Variants in MACROD2 observed in about 807,000 individuals in gnomAD.
MACROD2 encodes ADP-ribose glycohydrolase MACROD2.
MACROD2 carries 36 observed loss-of-function variants against 70.4 expected under a neutral mutation model. That is an observed-to-expected ratio of 0.51 (90% CI 0.39 to 0.68). The LOEUF (loss-of-function observed/expected upper bound fraction) is 0.68, where lower values mean the gene tolerates loss of function less well. Ranked by LOEUF, MACROD2 falls within the 30% of genes least tolerant of loss-of-function variation. MACROD2 has a pLI of 0.00. For missense variants in MACROD2, 496 were observed against 538.4 expected, an observed-to-expected ratio of 0.92 and a Z score of 0.78; for synonymous variants, 172 against 178.8, an observed-to-expected ratio of 0.96 and a Z score of 0.30.
At chr20:14,341,639 AAAAAG>A (rs1174662105) in intron 3 of MACROD2, among the ~76,000 whole-genome samples, 8 of 152,216 alleles carry the variant, frequency 5.3e-5, no homozygotes, top group Non-Finnish European at 1.0e-4. Flanking sequence ...ACTCCATCTC[AAAAAG>A]AAAAGAAAAG....
intron 6 of MACROD2, among the ~76,000 whole-genome samples, chr20:15,336,055 A>AT (rs1479606607): frequency 6.6e-6 from 1 of 151,546 alleles, no homozygotes; most frequent in East Asian, 1.9e-4. Flanking sequence ...TTGAAAATAC[A>AT]TTTTCTCAAT....
chr20:14,533,043 G>A (rs2085325080), intron 4 of MACROD2, among the ~76,000 whole-genome samples: 1 of 152,096 alleles, frequency 6.6e-6, no homozygotes, highest in Admixed American at 6.6e-5. Context: ...CTCTTGCTGG[G>A]TGCCATGTAA....
At chr20:15,112,669 A>C (rs989526925) in intron 5 of MACROD2, among the ~76,000 whole-genome samples, 9 of 152,162 alleles carry the variant, frequency 5.9e-5, no homozygotes, top group African/African-American at 1.9e-4. Flanking sequence ...CATTTTATTC[A>C]ATTTTAAGTG....
chr20:15,172,879 A>T (rs556159293), intron 5 of MACROD2, among the ~76,000 whole-genome samples: 1 of 152,338 alleles, frequency 6.6e-6, no homozygotes, highest in South Asian at 2.1e-4. Flanking sequence ...CTTGCTGAAA[A>T]TTTACTATTT....
intron 2 of MACROD2, among the ~76,000 whole-genome samples, chr20:14,012,539 G>A (rs983096064): frequency 2.0e-5 from 3 of 152,144 alleles, no homozygotes; most frequent in African/African-American, 7.2e-5. Context: ...CTGGATTCAT[G>A]TATCTTAAAT....
intron 3 of MACROD2, among the ~76,000 whole-genome samples, chr20:14,270,070 G>A (rs1568530230): frequency 6.6e-6 from 1 of 152,038 alleles, no homozygotes; most frequent in Admixed American, 6.6e-5. Flanking sequence ...CATGAAAAAT[G>A]ACTTGTTTGG....
chr20:15,276,414 AT>A (rs68176437), intron 6 of MACROD2, among the ~76,000 whole-genome samples: 2,281 of 68,488 alleles, frequency 0.033, 157 homozygotes, highest in African/African-American at 0.078. Flanking sequence ...AAATAAAAAA[AT>A]AAAAAAATCT....
intron 5 of MACROD2, among the ~76,000 whole-genome samples, chr20:14,873,641 T>A (rs1444946221): frequency 1.3e-5 from 2 of 152,086 alleles, no homozygotes; most frequent in Admixed American, 6.6e-5. Flanking sequence ...GACAGGCAGA[T>A]CACCTGAGGT....
intron 8 of MACROD2, among the ~76,000 whole-genome samples, chr20:15,810,101 G>T (rs1180750097): frequency 1.3e-5 from 2 of 149,854 alleles, no homozygotes; most frequent in Non-Finnish European, 3.0e-5. Context: ...ACCTATGAGT[G>T]AGAACATGTG....
chr20:14,102,021 T>C (rs1386171503), intron 3 of MACROD2, among the ~76,000 whole-genome samples: 1 of 68,912 alleles, frequency 1.5e-5, no homozygotes, highest in East Asian at 5.3e-4. Context: ...TTTTTTTTTT[T>C]AAGACGGAGT....
intron 12 of MACROD2, among the ~76,000 whole-genome samples, chr20:15,943,773 C>T (rs1005385354): frequency 6.6e-6 from 1 of 151,670 alleles, no homozygotes; most frequent in Non-Finnish European, 1.5e-5. Flanking sequence ...TTATACAATC[C>T]CTTTAAAAGG....
At chr20:14,008,030 A>C (rs924639461) in intron 2 of MACROD2, among the ~76,000 whole-genome samples, 1 of 152,200 alleles carries the variant, frequency 6.6e-6, no homozygotes, top group African/African-American at 2.4e-5. Context: ...GAATGGGCAA[A>C]AGCTGGAAGC....
intron 8 of MACROD2, among the ~76,000 whole-genome samples, chr20:15,733,053 A>G (rs900032101): frequency 6.6e-6 from 1 of 152,152 alleles, no homozygotes; most frequent in African/African-American, 2.4e-5. Flanking sequence ...TTGGCAGAGT[A>G]TGTTTTTCAA....
chr20:14,410,067 G>A (rs892054370), intron 3 of MACROD2, among the ~76,000 whole-genome samples: 6 of 152,114 alleles, frequency 3.9e-5, no homozygotes, highest in African/African-American at 1.4e-4. Flanking sequence ...GTGTTGGGGA[G>A]TTGAAACCCA....
intron 8 of MACROD2, among the ~76,000 whole-genome samples, chr20:15,527,719 T>A (rs1390537828): frequency 6.6e-6 from 1 of 152,166 alleles, no homozygotes; most frequent in Non-Finnish European, 1.5e-5. Context: ...ATTTAGTAAA[T>A]ATCTCTCCAG....
chr20:15,657,735 G>A (rs1402034999), intron 8 of MACROD2, among the ~76,000 whole-genome samples: 2 of 152,230 alleles, frequency 1.3e-5, no homozygotes, highest in Non-Finnish European at 2.9e-5. Context: ...GCTCACGCCT[G>A]TAATCCCAGC....
At chr20:14,345,899 T>C (rs982451266) in intron 3 of MACROD2, among the ~76,000 whole-genome samples, 1 of 151,476 alleles carries the variant, frequency 6.6e-6, no homozygotes, top group African/African-American at 2.4e-5. Context: ...CTGGCTAATA[T>C]GGTGAAAATA....
At chr20:16,006,093 A>G (rs2066784207) in intron 15 of MACROD2, among the ~76,000 whole-genome samples, 1 of 152,180 alleles carries the variant, frequency 6.6e-6, no homozygotes, top group Non-Finnish European at 1.5e-5. Flanking sequence ...ACCACAGGAG[A>G]GCCACTATTA....
At chr20:14,143,388 T>G (rs2054902323) in intron 3 of MACROD2, among the ~76,000 whole-genome samples, 1 of 152,178 alleles carries the variant, frequency 6.6e-6, no homozygotes, top group Non-Finnish European at 1.5e-5. Context: ...AACATTCAGC[T>G]TGAAGATAAT....
Sources: allele counts gnomAD v4.1 joint callset (sites outside exome capture counted in the v4.1 genomes callset), GRCh38; gene constraint gnomAD v4.1.1; transcripts MANE v1.5; gene names NCBI Gene and HGNC (gene_info 2026-07-23, HGNC 2026-07-21).